Variants in TM9SF3 observed in about 807,000 individuals in gnomAD.
TM9SF3 encodes the protein SM-11044-binding protein.
TM9SF3 carries 14 observed loss-of-function variants against 78.6 expected under a neutral mutation model. That is an observed-to-expected ratio of 0.18 (90% CI 0.12 to 0.28). TM9SF3 has a LOEUF of 0.28. Ranked by LOEUF, TM9SF3 falls within the 10% of genes least tolerant of loss-of-function variation. The probability of loss-of-function intolerance (pLI) is 1.00; values close to 1 mark genes in which losing one functional copy is unlikely to be tolerated. For synonymous variants in TM9SF3, 231 were observed against 241.7 expected, an observed-to-expected ratio of 0.96 and a Z score of 0.41; for missense variants, 496 against 721.9, an observed-to-expected ratio of 0.69 and a Z score of 3.59.
intron 2 of TM9SF3, among the ~76,000 whole-genome samples, chr10:96,575,705 AT>A (rs1848488897): frequency 2.0e-5 from 3 of 151,922 alleles, no homozygotes; most frequent in Admixed American, 2.0e-4. Flanking sequence ...GCAGTAAACA[AT>A]TTTACTAAAA....
chr10:96,565,777 AAT>A (rs973817379), intron 2 of TM9SF3, among the ~76,000 whole-genome samples: 1 of 152,172 alleles, frequency 6.6e-6, no homozygotes, highest in African/African-American at 2.4e-5. Context: ...GTTTTTATTT[AAT>A]ATATACAAAA....
chr10:96,565,565 G>A, intron 2 of TM9SF3, 139 bp from the exon 3 acceptor site: 1 of 970,048 alleles, frequency 1.0e-6, no homozygotes, highest in Non-Finnish European at 1.4e-6. Context: ...TGATAAATAA[G>A]TGTGGGTTCA....
intron 7 of TM9SF3, among the ~76,000 whole-genome samples, chr10:96,548,656 T>C (rs915391035): frequency 6.6e-6 from 1 of 151,530 alleles, no homozygotes; most frequent in Non-Finnish European, 1.5e-5. Context: ...AAATTAGCCA[T>C]GTGTGATGGC....
Position 96,520,952 on chromosome 10 carries a change from C to A in TM9SF3, c.*1311G>T, listed in dbSNP as rs1847760609. ...TGCCTTCTGGACAGAAAGATATCTT[C>A]AAATTGCAAACACATCTATTTCCAC... On this transcript the variant is annotated 3_prime_UTR_variant, in exon 15 of 15. Transcript: ENST00000371142. The A allele has an allele frequency of 2.5e-6, 1 of 396,966 alleles. No individual in the cohort carries two copies. Among genetic ancestry groups the A allele is most frequent in the South Asian group, 1.3e-4 (1 of 7,840 alleles). The allele number at this position is 396,966 out of a possible 1,614,324, so 24.6% of individuals were successfully genotyped here. A position where few individuals can be genotyped will look rare whatever the true frequency, so the allele number is the denominator to read the frequency against.
At chr10:96,584,945 G>A (rs1848612595) in intron 1 of TM9SF3, among the ~76,000 whole-genome samples, 1 of 152,096 alleles carries the variant, frequency 6.6e-6, no homozygotes, top group African/African-American at 2.4e-5. Flanking sequence ...TATCTTTCGT[G>A]GCAGTCAACA....
At chr10:96,542,440 T>C (rs968433506) in intron 9 of TM9SF3, among the ~76,000 whole-genome samples, 4 of 152,190 alleles carry the variant, frequency 2.6e-5, no homozygotes, top group South Asian at 4.1e-4. Flanking sequence ...TAATAATTTG[T>C]AATTATTAAA....
chr10:96,583,478 C>A (rs1848597078), intron 1 of TM9SF3, among the ~76,000 whole-genome samples: 1 of 152,158 alleles, frequency 6.6e-6, no homozygotes, highest in African/African-American at 2.4e-5. Flanking sequence ...ACTTAAAAAT[C>A]AATATAGAGA....
intron 4 of TM9SF3, chr10:96,560,747 A>T: frequency 1.7e-6 from 1 of 572,784 alleles, no homozygotes; most frequent in Non-Finnish European, 3.4e-6. Flanking sequence ...GAGATAATCC[A>T]GCCAAAAATG....
chr10:96,586,684 G>A (rs1363528108), intron 1 of TM9SF3, 50 bp downstream of exon 1: 2 of 1,208,532 alleles, frequency 1.7e-6, no homozygotes, highest in Non-Finnish European at 2.1e-6. Context: ...TGCCTCAGTG[G>A]GCAACTGGGG....
Position 96,522,290 on chromosome 10 carries a change from T to G in TM9SF3, c.1743A>C (p.Lys581Asn), listed in dbSNP as rs1437726380. The G allele has an allele frequency of 6.3e-7, 1 of 1,585,570 alleles. No individual in the cohort carries two copies. Among genetic ancestry groups the G allele is most frequent in the African/African-American group, 1.4e-5 (1 of 72,532 alleles). Residue 581 changes from lysine (K) to asparagine (N), a missense_variant, in exon 15 of 15, where the codon AAA (lysine) becomes AAC (asparagine). This residue lies in a region of TM9SF3 where 280 missense variants were observed against 422.6 expected (regional missense o/e 0.66). Coordinates refer to ENST00000371142, the MANE Select transcript of TM9SF3 (RefSeq NM_020123.4). ...GYMGTSAFVRKIYTNVKID is the reference protein window; with the variant it reads ...GYMGTSAFVRNIYTNVKID ...AGTCAATTTTCACATTAGTATAGAT[T>G]TTTCGGACAAAGGCACTTGTTCCCA... is the stretch of plus-strand genomic sequence containing the variant.
Position 96,520,810 on chromosome 10 carries a change from TTA to T in TM9SF3, c.*1451_*1452del. Reference sequence around the variant, plus strand: ...TCATTCAAAGGGTTTGTCATTCACTTTATGATTGTGCTGGATAATCTAGATGT... The same window carrying T: ...TCATTCAAAGGGTTTGTCATTCACTTTGATTGTGCTGGATAATCTAGATGT... On this transcript the variant is annotated 3_prime_UTR_variant, in exon 15 of 15. Coordinates refer to ENST00000371142, the MANE Select transcript of TM9SF3 (RefSeq NM_020123.4). 1 of 396,132 alleles carries T rather than the reference TTA, an allele frequency of 2.5e-6. No homozygotes were observed. The highest frequency in any genetic ancestry group is 4.5e-6 in the Non-Finnish European group (1 of 224,066). The allele number at this position is 396,132 out of a possible 1,614,324, so 24.5% of individuals were successfully genotyped here.
intron 6 of TM9SF3, among the ~76,000 whole-genome samples, chr10:96,551,930 T>A (rs12763501): frequency 1.1e-4 from 16 of 149,434 alleles, no homozygotes; most frequent in South Asian, 2.1e-4. Flanking sequence ...TGCATTTTTT[T>A]AAAAAGAATT....
At chr10:96,559,144 C>T (rs551561066) in intron 5 of TM9SF3, among the ~76,000 whole-genome samples, 21 of 152,164 alleles carry the variant, frequency 1.4e-4, no homozygotes, top group East Asian at 9.7e-4. Context: ...GATCTCAATC[C>T]GTTCTCTCAT....
chr10:96,522,535 T>C (rs965208293), intron 14 of TM9SF3, among the ~76,000 whole-genome samples: 1 of 151,914 alleles, frequency 6.6e-6, no homozygotes, highest in African/African-American at 2.4e-5. Context: ...CTGACCATCA[T>C]ACGCCAAGTC....
rs144836145 is a variant in TM9SF3, at chr10:96,558,550, G to A, written c.660+1109C>T. Among the ~76,000 whole-genome samples, 491 of 151,960 alleles carry A rather than the reference G, an allele frequency of 3.2e-3. 2 individuals are homozygous for A. Among genetic ancestry groups the A allele is most frequent in the Non-Finnish European group, 5.4e-3 (370 of 67,960 alleles). On this transcript the variant is annotated intron_variant, in intron 5 of 14. Transcript: ENST00000371142. The stretch of plus-strand genomic sequence containing the variant: ...AATCCCAGCTACTCGGGAGGCTGAG[G>A]CAGGAGAATCGCTTGAACCAAGGAG...
chr10:96,559,369 C>T lies in TM9SF3; in HGVS notation c.660+290G>A, dbSNP rs576839554. 2.0e-4 allele frequency among the ~76,000 whole-genome samples: 31 copies of T among 152,300 alleles called. 1 individual carries two copies. The South Asian group carries it at 2.1e-3, about 10-fold the overall frequency. ...GGCCAATGCGCTATTCATTGTGCAA[C>T]GCAGCCATCTAATATTCACCTTATT... On this transcript the variant is annotated intron_variant, in intron 5 of 14. Transcript: ENST00000371142.
At chr10:96,563,068 C>T (rs1848328935) in intron 3 of TM9SF3, among the ~76,000 whole-genome samples, 1 of 151,840 alleles carries the variant, frequency 6.6e-6, no homozygotes, top group African/African-American at 2.4e-5. Context: ...TAATGAAATC[C>T]TTCTTTTATC....
In TM9SF3 at chr10:96,519,600, A is replaced by G. The variant is rs1847739079; in HGVS notation, c.*2663T>C. The G allele has an allele frequency of 6.6e-6, 1 of 152,152 alleles. No individual in the cohort carries two copies. The highest frequency in any genetic ancestry group is 1.9e-4 in the East Asian group (1 of 5,190). 9.4% of individuals were successfully genotyped at this position (152,152 alleles called of 1,614,324 possible). On this transcript the variant is annotated 3_prime_UTR_variant, in exon 15 of 15. Coordinates refer to ENST00000371142, the MANE Select transcript of TM9SF3 (RefSeq NM_020123.4). ...GCCTTAGTTTTTGATAGTATTATCC[A>G]AAGTGTGAGTTGAAAGAAATTAAGC...
chr10:96,530,970 C>A (rs947981405), intron 10 of TM9SF3, among the ~76,000 whole-genome samples: 1 of 151,976 alleles, frequency 6.6e-6, no homozygotes, highest in African/African-American at 2.4e-5. Flanking sequence ...GGGAAAGAAA[C>A]GAAGAGTCTA....
Sources: allele counts gnomAD v4.1 joint callset (sites outside exome capture counted in the v4.1 genomes callset), GRCh38; gene constraint gnomAD v4.1.1; regional missense constraint gnomAD v4.1.1; transcripts MANE v1.5; gene names NCBI Gene and HGNC (gene_info 2026-07-23, HGNC 2026-07-21).